RABGAP1L: variants seen among roughly 807,000 people sequenced by gnomAD.
RABGAP1L encodes the protein RAB GTPase activating protein 1 like.
RABGAP1L carries 63 observed loss-of-function variants against 137.7 expected under a neutral mutation model. That is an observed-to-expected ratio of 0.46 (90% CI 0.37 to 0.56). The LOEUF (loss-of-function observed/expected upper bound fraction) is 0.56, where lower values mean the gene tolerates loss of function less well. Ranked by LOEUF, RABGAP1L falls within the 20% of genes least tolerant of loss-of-function variation. The pLI is 0.00. For missense variants in RABGAP1L, 1,095 were observed against 1,244.0 expected (o/e 0.88, Z 1.80); for synonymous variants, 431 against 433.7 (o/e 0.99, Z 0.08).
At chr1:174,792,021 G>A (rs1687897958) in intron 18 of RABGAP1L, among the ~76,000 whole-genome samples, 1 of 152,194 alleles carries the variant, frequency 6.6e-6, no homozygotes, top group South Asian at 2.1e-4. Flanking sequence ...TAATAAGATA[G>A]GTTCTTTATG....
intron 13 of RABGAP1L, among the ~76,000 whole-genome samples, chr1:174,463,873 T>TAA (rs1020563089): frequency 3.9e-5 from 6 of 152,094 alleles, no homozygotes; most frequent in African/African-American, 1.4e-4. Flanking sequence ...TTATATACTG[T>TAA]AAGTGCTTAT....
intron 4 of RABGAP1L, among the ~76,000 whole-genome samples, chr1:174,234,428 T>A (rs2148519768): frequency 7.1e-6 from 1 of 141,574 alleles, no homozygotes; most frequent in East Asian, 2.0e-4. Context: ...TAATCCATCT[T>A]GAATTGATTT....
chr1:174,971,849 G>A (rs1264573343), intron 21 of RABGAP1L, among the ~76,000 whole-genome samples: 1 of 152,158 alleles, frequency 6.6e-6, no homozygotes, highest in Non-Finnish European at 1.5e-5. Flanking sequence ...CAAAACACTG[G>A]CAAACTTTAA....
chr1:174,828,515 G>C (rs1691810126), intron 19 of RABGAP1L, among the ~76,000 whole-genome samples: 2 of 148,162 alleles, frequency 1.3e-5, no homozygotes, highest in Non-Finnish European at 3.0e-5. Flanking sequence ...CTTTGGGAGT[G>C]GACAAGTCTA....
rs563450274 is a variant in RABGAP1L, at chr1:174,730,874, T to G, written c.2170-21439T>G. 9.8e-5 allele frequency among the ~76,000 whole-genome samples: 15 copies of G among 152,296 alleles called. 1 individual carries two copies. The South Asian group carries it at 2.5e-3, about 25-fold the overall frequency. On this transcript the variant is annotated intron_variant, in intron 17 of 25. Transcript: ENST00000681986. ...AAAAATTGTGGCCTAGAAAAAAAAC[T>G]TAATGAGTAGAAAGTTTTTTCCAAA... is the stretch of plus-strand genomic sequence containing the variant.
chr1:174,379,385 C>T (rs1685902440), intron 12 of RABGAP1L, among the ~76,000 whole-genome samples: 2 of 148,146 alleles, frequency 1.4e-5, no homozygotes, highest in African/African-American at 5.1e-5. Flanking sequence ...GGCAGTATGG[C>T]CATTTTCACG....
In RABGAP1L at chr1:174,776,380, A is replaced by T. The variant is rs12035220; in HGVS notation, c.2211+24026A>T. On this transcript the variant is annotated intron_variant, in intron 18 of 25. Coordinates refer to ENST00000681986, the MANE Select transcript of RABGAP1L (RefSeq NM_001366446.1). ...AAACAATGAGACTTCATCTCAAAAAATAAAAAAAAAATAATAATAAAGTTG... is the reference window on the plus strand; with the variant it reads ...AAACAATGAGACTTCATCTCAAAAATTAAAAAAAAAATAATAATAAAGTTG... 2.3e-3 allele frequency among the ~76,000 whole-genome samples: 357 copies of T among 152,190 alleles called. 14 individuals are homozygous for T. In the East Asian group the frequency reaches 0.064, roughly 27 times the overall value.
Position 174,761,733 on chromosome 1 carries a change from C to T in RABGAP1L, c.2211+9379C>T, listed in dbSNP as rs933217240. Among the ~76,000 whole-genome samples, 4 of 152,174 alleles carry T rather than the reference C, an allele frequency of 2.6e-5. No homozygotes were observed. Among genetic ancestry groups the T allele is most frequent in the Admixed American group, 6.5e-5 (1 of 15,284 alleles). Reference sequence around the variant, plus strand: ...ACATCAGATCTCATGAGACTATTCACTACCAGGAGAACAGCATGGGAAAGA... The same window carrying T: ...ACATCAGATCTCATGAGACTATTCATTACCAGGAGAACAGCATGGGAAAGA... On this transcript the variant is annotated intron_variant, in intron 18 of 25. Transcript: ENST00000681986. This position sits in a 1 kb window ranked among gnomAD's most constrained non-coding sequence, Gnocchi z 4.0.
intron 19 of RABGAP1L, among the ~76,000 whole-genome samples, chr1:174,879,377 C>T (rs747426517): frequency 2.7e-5 from 4 of 150,314 alleles, no homozygotes; most frequent in South Asian, 2.1e-4. Flanking sequence ...GGATTACAGG[C>T]GTGAGTCACG....
intron 18 of RABGAP1L, among the ~76,000 whole-genome samples, chr1:174,755,161 T>C (rs1051290101): frequency 7.2e-5 from 11 of 152,216 alleles, no homozygotes; most frequent in Non-Finnish European, 2.9e-5. Flanking sequence ...TCTGTGTTGC[T>C]CAGTTAGGTT....
At chr1:174,550,694 A>G (rs1666364823) in intron 13 of RABGAP1L, among the ~76,000 whole-genome samples, 1 of 150,964 alleles carries the variant, frequency 6.6e-6, no homozygotes, top group Non-Finnish European at 1.5e-5. Context: ...GAGTAACACA[A>G]CCAACCTACA....
chr1:174,448,075 G>C lies in RABGAP1L; in HGVS notation c.1710+53930G>C, dbSNP rs763430882. The C allele has an allele frequency of 3.2e-6, 5 of 1,572,750 alleles. No individual in the cohort carries two copies. The highest frequency in any genetic ancestry group is 3.4e-4 in the Middle Eastern group (2 of 5,864). On this transcript the variant is annotated intron_variant, in intron 13 of 25. Transcript: ENST00000681986. The surrounding 1 kb of genome is among the most constrained non-coding windows in gnomAD (Gnocchi z 4.2). ...ATGCTGGGCAGGGCATCTGCTTGCT[G>C]TAGCCAAGTCTGCAGGTGTCTTTAA...
At chr1:174,638,882 G>A (rs1223973810) in intron 14 of RABGAP1L, among the ~76,000 whole-genome samples, 1 of 131,214 alleles carries the variant, frequency 7.6e-6, no homozygotes, top group Non-Finnish European at 1.6e-5. Flanking sequence ...TCTGGGGACT[G>A]TGGTGGGGTT....
intron 1 of RABGAP1L, among the ~76,000 whole-genome samples, chr1:174,184,997 C>T (rs1666692078): frequency 1.3e-5 from 2 of 152,136 alleles, no homozygotes; most frequent in Admixed American, 6.5e-5. Flanking sequence ...AAAGGTCACT[C>T]AAGGTTGGGG....
intron 13 of RABGAP1L, among the ~76,000 whole-genome samples, chr1:174,628,498 C>T (rs1673085829): frequency 6.6e-6 from 1 of 152,078 alleles, no homozygotes; most frequent in Non-Finnish European, 1.5e-5. Context: ...AGGCAATATG[C>T]TAAGTACTTC....
chr1:174,850,165 C>A, intron 19 of RABGAP1L: 1 of 437,660 alleles, frequency 2.3e-6, no homozygotes, highest in South Asian at 1.8e-5. Flanking sequence ...ACTGCAGCCC[C>A]CATCTCCTCA....
chr1:174,250,766 T>G, intron 6 of RABGAP1L, 134 bp downstream of exon 6: 1 of 782,174 alleles, frequency 1.3e-6, no homozygotes, highest in Non-Finnish European at 1.9e-6. Context: ...GAATTAATAT[T>G]TTTTATTCTT....
intron 19 of RABGAP1L, among the ~76,000 whole-genome samples, chr1:174,857,980 C>T (rs1295072205): frequency 6.6e-6 from 1 of 151,988 alleles, no homozygotes; most frequent in Admixed American, 6.6e-5. Flanking sequence ...AAAACAACTC[C>T]TCTCTATAAT....
At chr1:174,324,482 A>C (rs1364267085) in intron 11 of RABGAP1L, among the ~76,000 whole-genome samples, 1 of 152,128 alleles carries the variant, frequency 6.6e-6, no homozygotes, top group Non-Finnish European at 1.5e-5. Context: ...AATATTGATG[A>C]GTTTGAGTTC....
Sources: allele counts gnomAD v4.1 joint callset (sites outside exome capture counted in the v4.1 genomes callset), GRCh38; gene constraint gnomAD v4.1.1; non-coding constraint Gnocchi (gnomAD v3.1); transcripts MANE v1.5; gene names NCBI Gene and HGNC (gene_info 2026-07-23, HGNC 2026-07-21).